Variants in NPAS2 observed in about 807,000 individuals in gnomAD.
NPAS2 encodes neuronal PAS domain-containing protein 2.
Under a neutral mutation model 107.5 loss-of-function variants are expected in NPAS2, and 23 were observed. That is an observed-to-expected ratio of 0.21 (90% CI 0.15 to 0.30). The LOEUF (loss-of-function observed/expected upper bound fraction) is 0.30, where lower values mean the gene tolerates loss of function less well. Among genes scored for constraint, NPAS2 ranks in the 10% least tolerant of loss-of-function variants. The pLI, the probability that NPAS2 is intolerant of heterozygous loss-of-function variation, is 1.00. For synonymous variants in NPAS2, 403 were observed against 417.5 expected (o/e 0.97, Z 0.42); for missense variants, 756 against 1,043.3 (o/e 0.72, Z 3.79).
chr2:100,958,875 A>T (rs185629530), intron 7 of NPAS2, among the ~76,000 whole-genome samples: 1 of 152,266 alleles, frequency 6.6e-6, no homozygotes, highest in East Asian at 1.9e-4. Context: ...GGCCCCTAAA[A>T]ATACTCATTT....
chr2:100,977,889 C>T, intron 15 of NPAS2, 90 bp downstream of exon 15: 1 of 1,127,406 alleles, frequency 8.9e-7, no homozygotes, highest in Non-Finnish European at 1.3e-6. Context: ...TAGGTCCCAA[C>T]CAAGGCCCTG....
intron 1 of NPAS2, among the ~76,000 whole-genome samples, chr2:100,879,093 A>G (rs1384484774): frequency 6.6e-6 from 1 of 151,666 alleles, no homozygotes; most frequent in Admixed American, 6.6e-5. Flanking sequence ...AGCCTGGGCG[A>G]CAGAGCGAGA....
rs1402728670 is a variant in NPAS2 at position 100,821,312 on chromosome 2, C to T, written c.-23+898C>T. ...CACGCACTTCCACAAAGTCTAAACACTCCCGAGCTTGTGTCCGGGAGGCTT... is the reference window on the plus strand; with the variant it reads ...CACGCACTTCCACAAAGTCTAAACATTCCCGAGCTTGTGTCCGGGAGGCTT... On this transcript the variant is annotated intron_variant, in intron 1 of 20. Transcript: ENST00000335681. 3.6e-5 allele frequency: 33 copies of T among 915,846 alleles called. No homozygotes were observed. In the Admixed American group the frequency reaches 9.6e-4, roughly 27 times the overall value. 56.7% of individuals were successfully genotyped at this position (915,846 alleles called of 1,614,324 possible).
chr2:100,860,458 T>C (rs935169076), intron 1 of NPAS2, among the ~76,000 whole-genome samples: 2 of 152,230 alleles, frequency 1.3e-5, no homozygotes, highest in East Asian at 3.8e-4. Context: ...GGAGATATCC[T>C]GAGACTATGT....
chr2:100,940,181 C>T (rs1299687063), intron 5 of NPAS2, among the ~76,000 whole-genome samples: 6 of 152,204 alleles, frequency 3.9e-5, no homozygotes, highest in Non-Finnish European at 7.3e-5. Flanking sequence ...ATCTGGGAGT[C>T]AGACCTCTAT....
chr2:100,946,976 T>C (rs75750670), intron 5 of NPAS2, among the ~76,000 whole-genome samples: 11,458 of 152,166 alleles, frequency 0.075, 476 homozygotes, highest in South Asian at 0.11. Flanking sequence ...GGAGATGATA[T>C]GGGTGGGAAA....
intron 2 of NPAS2, among the ~76,000 whole-genome samples, chr2:100,905,099 G>T (rs1050586783): frequency 4.6e-5 from 7 of 152,148 alleles, no homozygotes; most frequent in Non-Finnish European, 5.9e-5. Flanking sequence ...TTCCAGGACA[G>T]ACACTGCTTG....
At chr2:100,912,050 GT>G (rs1682582767) in intron 2 of NPAS2, among the ~76,000 whole-genome samples, 1 of 152,052 alleles carries the variant, frequency 6.6e-6, no homozygotes, top group Non-Finnish European at 1.5e-5. Flanking sequence ...ACTGAGCATC[GT>G]GTGCTGCAGT....
intron 2 of NPAS2, among the ~76,000 whole-genome samples, chr2:100,922,433 A>G (rs1683287372): frequency 6.6e-6 from 1 of 151,634 alleles, no homozygotes; most frequent in African/African-American, 2.4e-5. Context: ...AAATACAAAA[A>G]TTAGCCGGGT....
intron 1 of NPAS2, among the ~76,000 whole-genome samples, chr2:100,888,842 C>T (rs1321045015): frequency 2.0e-5 from 3 of 152,132 alleles, no homozygotes; most frequent in East Asian, 1.9e-4. Context: ...CTTGACACCC[C>T]GAAGCCACCA....
chr2:100,828,544 C>G (rs75677690), intron 1 of NPAS2, among the ~76,000 whole-genome samples: 204 of 152,272 alleles, frequency 1.3e-3, no homozygotes, highest in Middle Eastern at 3.4e-3. Flanking sequence ...ACATTTAAAT[C>G]CTTAATTCAT....
At chr2:100,942,866 G>C (rs180751393) in intron 5 of NPAS2, among the ~76,000 whole-genome samples, 28 of 152,270 alleles carry the variant, frequency 1.8e-4, no homozygotes, top group African/African-American at 6.7e-4. Flanking sequence ...TTCTCCTTTT[G>C]CTCAACATCG....
intron 1 of NPAS2, among the ~76,000 whole-genome samples, chr2:100,865,616 C>G (rs1452438880): frequency 1.3e-5 from 2 of 152,094 alleles, no homozygotes; most frequent in African/African-American, 2.4e-5. Context: ...CACTCAGAAC[C>G]CTTGTTGAAA....
intron 1 of NPAS2, among the ~76,000 whole-genome samples, chr2:100,900,921 C>T (rs972446307): frequency 6.6e-6 from 1 of 151,780 alleles, no homozygotes; most frequent in African/African-American, 2.4e-5. Context: ...GAGAACAGTG[C>T]CTCACTATAT....
intron 12 of NPAS2, 68 bp from the exon 13 acceptor site, chr2:100,974,735 T>A (rs1230685006): frequency 5.9e-6 from 9 of 1,537,450 alleles, no homozygotes; most frequent in Non-Finnish European, 7.9e-6. Context: ...TATTTAGAAC[T>A]AAAGTCACGC....
intron 7 of NPAS2, among the ~76,000 whole-genome samples, chr2:100,957,397 A>G (rs940594447): frequency 6.6e-6 from 1 of 152,100 alleles, no homozygotes; most frequent in African/African-American, 2.4e-5. Context: ...CCTCTAATCA[A>G]CTGTTTCCAG....
rs187070617 is a variant in NPAS2 at position 100,944,190 on chromosome 2, C to T, written c.364-4045C>T. On this transcript the variant is annotated intron_variant, in intron 5 of 20. Coordinates refer to ENST00000335681, the MANE Select transcript of NPAS2 (RefSeq NM_002518.4). ...CAAGGCCCCAGTGACTTCTCTTAAG[C>T]CGTTCTTTTCTCAAGGTGAAGTTTC... Among the ~76,000 whole-genome samples the T allele has an allele frequency of 3.3e-5, 5 of 152,270 alleles. No homozygotes were observed. The East Asian group carries it at 9.7e-4, about 29-fold the overall frequency.
At chr2:100,897,464 T>A (rs528593886) in intron 1 of NPAS2, among the ~76,000 whole-genome samples, 71 of 152,270 alleles carry the variant, frequency 4.7e-4, no homozygotes, top group Non-Finnish European at 8.2e-4. Context: ...CCGTCTCACA[T>A]AAAGCAAAAG....
intron 7 of NPAS2, among the ~76,000 whole-genome samples, chr2:100,952,430 G>T (rs1401026004): frequency 6.6e-6 from 1 of 152,100 alleles, no homozygotes; most frequent in Non-Finnish European, 1.5e-5. Context: ...CGGGCATGAT[G>T]GCGGGTGCCT....
Sources: allele counts gnomAD v4.1 joint callset (sites outside exome capture counted in the v4.1 genomes callset), GRCh38; gene constraint gnomAD v4.1.1; transcripts MANE v1.5; gene names NCBI Gene and HGNC (gene_info 2026-07-23, HGNC 2026-07-21).